The following MTG2 variants were observed in gnomAD, a reference collection of about 807,000 sequenced individuals.
MTG2 encodes the protein mitochondrial ribosome-associated GTPase 2.
In MTG2, 23 loss-of-function variants were observed where a neutral mutation model predicts 28.6. That is an observed-to-expected ratio of 0.80 (90% CI 0.58 to 1.14). The LOEUF (loss-of-function observed/expected upper bound fraction) is 1.14, where lower values mean the gene tolerates loss of function less well. Among genes scored for constraint, MTG2 ranks in the 50% most tolerant of loss-of-function variants. MTG2 has a pLI of 0.00. For missense variants in MTG2, 539 were observed against 552.0 expected (o/e 0.98, Z 0.24); for synonymous variants, 260 against 251.8 (o/e 1.03, Z -0.31).
At position 62,199,147 on chromosome 20, in the gene MTG2, C is replaced by T. The variant is rs551289597; in HGVS notation, c.716C>T (p.Ser239Leu). 5 of 1,614,182 alleles carry T rather than the reference C, an allele frequency of 3.1e-6. No individual in the cohort carries two copies. In the South Asian group the frequency reaches 4.4e-5, roughly 14 times the overall value. The change falls in exon 6 of 7, where the codon TCA (serine) becomes TTA (leucine). Residue 239 changes from serine (S) to leucine (L), a missense_variant. By Grantham distance (145) the Ser-to-Leu change is moderately radical. Transcript: ENST00000370823. ...GGATTCCCCAACGCCGGGAAGTCCTCACTGCTCCGGGCCATTTCAAACGCC... is the reference window on the plus strand; with the variant it reads ...GGATTCCCCAACGCCGGGAAGTCCTTACTGCTCCGGGCCATTTCAAACGCC... ...MVGFPNAGKS[S>L]LLRAISNARP...
intron 3 of MTG2, chr20:62,197,411 A>G: frequency 6.5e-6 from 1 of 153,978 alleles, no homozygotes; most frequent in Non-Finnish European, 1.4e-5. Context: ...AAAAAAGAAA[A>G]AGCAACTTTG....
At chr20:62,200,583 A>C (rs2058148506) in intron 6 of MTG2, 100 bp from the exon 7 acceptor site, 2 of 1,394,696 alleles carry the variant, frequency 1.4e-6, no homozygotes, top group African/African-American at 1.4e-5. Flanking sequence ...CCGCCTTCGC[A>C]GTGGGCTCCA....
At chr20:62,196,760 G>A (rs944124273) in intron 3 of MTG2, among the ~76,000 whole-genome samples, 4 of 151,566 alleles carry the variant, frequency 2.6e-5, no homozygotes, top group African/African-American at 9.7e-5. Context: ...CGGGCGTGGT[G>A]GCTCACACCT....
Position 62,193,461 on chromosome 20 carries a change from T to C in MTG2, c.41T>C (p.Val14Ala), listed in dbSNP as rs1270081248. The change falls in exon 2 of 7, where the codon GTG becomes GCG. Residue 14 changes from valine to alanine, a missense_variant. Transcript: ENST00000370823. ...ARCFSARLRT[V>A]FQGVGHWALS... ...TGTTTCTCAGCAAGATTGAGGACCG[T>C]GTTTCAGGGCGTGGGGCATTGGGCT... The C allele has an allele frequency of 6.2e-7, 1 of 1,614,194 alleles. No homozygotes were observed. Among genetic ancestry groups the C allele is most frequent in the Admixed American group, 1.7e-5 (1 of 60,024 alleles).
At position 62,193,617 on chromosome 20, in the gene MTG2, A is replaced by C; in HGVS notation, c.197A>C (p.Lys66Thr). The C allele has an allele frequency of 1.2e-6, 2 of 1,610,778 alleles. No homozygotes were observed. Among genetic ancestry groups the C allele is most frequent in the Non-Finnish European group, 1.7e-6 (2 of 1,179,192 alleles). Reference sequence around the variant, plus strand: ...CCGGGGAAGAAGCTGCTCTCTGAGAAAAAGCTGGTGAGACTCCTGGAGTTA... The same window carrying C: ...CCGGGGAAGAAGCTGCTCTCTGAGACAAAGCTGGTGAGACTCCTGGAGTTA... Reference protein sequence around the residue: ...ELPGKKLLSEKKLKRYFVDYR... With the variant: ...ELPGKKLLSETKLKRYFVDYR... Residue 66 changes from lysine (K) to threonine (T), a missense_variant, in exon 2 of 7, where the codon AAA becomes ACA. Physicochemically the swap from Lys to Thr is moderately conservative, Grantham distance 78. Transcript: ENST00000370823.
intron 6 of MTG2, 79 bp from the exon 7 acceptor site, chr20:62,200,604 C>T (rs2058149135): frequency 5.4e-6 from 8 of 1,493,766 alleles, no homozygotes; most frequent in Non-Finnish European, 7.1e-6. Context: ...GGCCTTCTCT[C>T]CCAGGCTCGA....
At position 62,201,017 on chromosome 20, in the gene MTG2, G is replaced by A; in HGVS notation, c.1161G>A (p.Val387=). ...NLEQLLLHLK[V]LYDAYAEAEL... ...AGCAGCTGCTGTTGCACCTGAAGGT[G>A]CTGTATGACGCCTACGCGGAGGCCG... Residue 387 remains valine (V), a synonymous_variant, in exon 7 of 7, where the codon GTG becomes GTA. Coordinates refer to ENST00000370823, the MANE Select transcript of MTG2 (RefSeq NM_015666.4). The A allele has an allele frequency of 3.1e-6, 5 of 1,612,650 alleles. No individual in the cohort carries two copies. The South Asian group carries it at 5.5e-5, about 18-fold the overall frequency.
At chr20:62,193,689 G>C (rs1049072137) in intron 2 of MTG2, 65 bp downstream of exon 2, 3 of 1,451,852 alleles carry the variant, frequency 2.1e-6, no homozygotes, top group Admixed American at 4.3e-5. Context: ...GTGTGGTTTC[G>C]GGTCCTCCTC....
intron 1 of MTG2, among the ~76,000 whole-genome samples, chr20:62,191,632 G>A (rs972788646): frequency 6.6e-6 from 1 of 152,204 alleles, no homozygotes; most frequent in Admixed American, 6.5e-5. Context: ...GAGGAGGCAG[G>A]CGGTGTCCCC....
At chr20:62,196,236 A>G (rs796266235) in intron 3 of MTG2, among the ~76,000 whole-genome samples, 2 of 151,130 alleles carry the variant, frequency 1.3e-5, no homozygotes, top group African/African-American at 4.9e-5. Context: ...CAGACATGGT[A>G]GCGTGCACCT....
chr20:62,190,746 AGCG>A (rs1044128247), intron 1 of MTG2, among the ~76,000 whole-genome samples: 5 of 152,350 alleles, frequency 3.3e-5, no homozygotes, highest in Non-Finnish European at 5.9e-5. Context: ...GTAGCGGTGC[AGCG>A]GCGGCGGCCG....
rs6062133 is a variant in MTG2, at chr20:62,193,559, G to T, written c.139G>T (p.Gly47Cys). The T allele has an allele frequency of 1.2e-6, 2 of 1,613,870 alleles. No homozygotes were observed. Among genetic ancestry groups the T allele is most frequent in the South Asian group, 1.1e-5 (1 of 91,068 alleles). ...GGCTTCTCCCAGGCTGCTCTCGGTC[G>T]GCCGTGCGGACCTCGCCAAGCATCA... ...QRASPRLLSV[G>C]RADLAKHQEL... Residue 47 changes from glycine to cysteine, a missense_variant, in exon 2 of 7, where the codon GGC (glycine) becomes TGC (cysteine). Coordinates refer to ENST00000370823, the MANE Select transcript of MTG2 (RefSeq NM_015666.4).
chr20:62,188,348 C>A (rs1372342482), intron 1 of MTG2, among the ~76,000 whole-genome samples: 1 of 151,914 alleles, frequency 6.6e-6, no homozygotes, highest in Middle Eastern at 3.4e-3. Flanking sequence ...TATACTTCCC[C>A]CCAGCCCCAC....
intron 1 of MTG2, among the ~76,000 whole-genome samples, chr20:62,184,449 C>G (rs1331582359): frequency 3.3e-5 from 5 of 152,154 alleles, no homozygotes; most frequent in African/African-American, 1.2e-4. Flanking sequence ...AGGCAGAGTG[C>G]AGGTTAATGA....
intron 2 of MTG2, 106 bp from the exon 3 acceptor site, chr20:62,195,696 T>G (rs1568787756): frequency 1.4e-5 from 19 of 1,370,548 alleles, no homozygotes; most frequent in Non-Finnish European, 1.8e-5. Context: ...ACCTCTAATT[T>G]TAATAGGCTG....
intron 1 of MTG2, among the ~76,000 whole-genome samples, chr20:62,191,570 C>G (rs2057960390): frequency 6.6e-6 from 1 of 152,140 alleles, no homozygotes; most frequent in East Asian, 1.9e-4. Context: ...GAGGTGGCAC[C>G]TTTTCAGAGG....
intron 2 of MTG2, among the ~76,000 whole-genome samples, chr20:62,195,532 C>G (rs1360965159): frequency 6.6e-6 from 1 of 152,142 alleles, no homozygotes; most frequent in Non-Finnish European, 1.5e-5. Context: ...CAGTCTCACC[C>G]AGAGTAAGAA....
chr20:62,191,645 G>A (rs1000635810), intron 1 of MTG2, among the ~76,000 whole-genome samples: 5 of 152,172 alleles, frequency 3.3e-5, no homozygotes, highest in Non-Finnish European at 5.9e-5. Flanking sequence ...GTGTCCCCTC[G>A]TTGTGCTCCC....
intron 6 of MTG2, chr20:62,200,305 G>A (rs2058141640): frequency 5.6e-6 from 1 of 180,024 alleles, no homozygotes; most frequent in South Asian, 1.8e-4. Context: ...TATCTGCAGA[G>A]TACTCTACAT....
Sources: allele counts gnomAD v4.1 joint callset (sites outside exome capture counted in the v4.1 genomes callset), GRCh38; gene constraint gnomAD v4.1.1; transcripts MANE v1.5; gene names NCBI Gene and HGNC (gene_info 2026-07-23, HGNC 2026-07-21).